ROR1: variants seen among roughly 807,000 people sequenced by gnomAD.
ROR1 encodes the protein ROR family WNT receptor 1.
A neutral mutation model predicts 78.8 loss-of-function variants in ROR1; 19 were observed. The observed-to-expected ratio is 0.24, with a 90% CI of 0.17 to 0.35. The LOEUF is 0.35. Among genes scored for constraint, ROR1 ranks in the 10% least tolerant of loss-of-function variants. ROR1 has a pLI of 1.00. For missense variants in ROR1, 917 were observed against 1,177.8 expected, an observed-to-expected ratio of 0.78 and a Z score of 3.24; for synonymous variants, 386 against 433.6, an observed-to-expected ratio of 0.89 and a Z score of 1.36.
chr1:63,897,716 A>G (rs960334252), intron 1 of ROR1, among the ~76,000 whole-genome samples: 5 of 152,342 alleles, frequency 3.3e-5, no homozygotes, highest in African/African-American at 7.2e-5. Context: ...TCTGCTACAT[A>G]GAAGTGCTTA....
chr1:63,934,342 G>T (rs1301685053), intron 1 of ROR1, among the ~76,000 whole-genome samples: 1 of 152,104 alleles, frequency 6.6e-6, no homozygotes, highest in East Asian at 1.9e-4. Flanking sequence ...ACTCATTAAG[G>T]CTCAGTTTGC....
At chr1:64,168,464 A>G (rs1185847522) in intron 8 of ROR1, among the ~76,000 whole-genome samples, 2 of 152,214 alleles carry the variant, frequency 1.3e-5, no homozygotes, top group Non-Finnish European at 2.9e-5. Context: ...GATATCTAGG[A>G]TAGGAGCCAT....
rs201856861 is a variant in ROR1 at position 63,903,493 on chromosome 1, ACATT to A, written c.92-105808_92-105805del. 5.7e-3 allele frequency among the ~76,000 whole-genome samples: 873 copies of A among 151,876 alleles called. 7 individuals carry two copies. The highest frequency in any genetic ancestry group is 0.015 in the Admixed American group (227 of 15,240). On this transcript the variant is annotated intron_variant, in intron 1 of 8. Coordinates refer to ENST00000371079, the MANE Select transcript of ROR1 (RefSeq NM_005012.4). The stretch of plus-strand genomic sequence containing the variant: ...ATGTGTTTGTCTGTTTATGTGTGAA[ACATT>A]CATATGTTTTGGAAGTCAGAATGAT...
intron 1 of ROR1, among the ~76,000 whole-genome samples, chr1:63,828,218 T>G (rs1569780352): frequency 6.6e-6 from 1 of 152,136 alleles, no homozygotes; most frequent in African/African-American, 2.4e-5. Flanking sequence ...TTAGTAGCGG[T>G]TTTTCTAAAG....
chr1:64,125,285 G>A (rs1648673258), intron 4 of ROR1, among the ~76,000 whole-genome samples: 2 of 152,162 alleles, frequency 1.3e-5, no homozygotes. Context: ...TTCACTCAAA[G>A]CCTGCCAGGA....
At chr1:63,814,365 G>A (rs1644877195) in intron 1 of ROR1, among the ~76,000 whole-genome samples, 1 of 152,090 alleles carries the variant, frequency 6.6e-6, no homozygotes, top group African/African-American at 2.4e-5. Flanking sequence ...GCTGCCTAAG[G>A]CAGTGGTCCC....
chr1:64,022,679 T>A (rs879586284), intron 2 of ROR1, among the ~76,000 whole-genome samples: 3 of 152,206 alleles, frequency 2.0e-5, no homozygotes, highest in Non-Finnish European at 4.4e-5. Context: ...CTACACGAAG[T>A]CATTCCCAGA....
chr1:63,995,422 C>T (rs1227108726), intron 1 of ROR1, among the ~76,000 whole-genome samples: 4 of 152,114 alleles, frequency 2.6e-5, no homozygotes, highest in Non-Finnish European at 5.9e-5. Flanking sequence ...AACACAAGAC[C>T]CTGTCAGACT....
At chr1:63,993,700 GT>G (rs1340075826) in intron 1 of ROR1, among the ~76,000 whole-genome samples, 2 of 152,076 alleles carry the variant, frequency 1.3e-5, no homozygotes, top group East Asian at 3.9e-4. Context: ...CAGTTTCCTT[GT>G]TTTTTTATAA....
At chr1:63,845,869 T>C (rs1645077235) in intron 1 of ROR1, among the ~76,000 whole-genome samples, 1 of 152,182 alleles carries the variant, frequency 6.6e-6, no homozygotes, top group African/African-American at 2.4e-5. Context: ...TTATTTGGTG[T>C]AGAGATTTAG....
At chr1:63,780,688 G>C (rs533857420) in intron 1 of ROR1, among the ~76,000 whole-genome samples, 56 of 152,222 alleles carry the variant, frequency 3.7e-4, no homozygotes, top group Non-Finnish European at 7.1e-4. Flanking sequence ...AGATGCTCTA[G>C]ATCTGAGCAG....
chr1:64,048,488 C>T (rs759073753), intron 2 of ROR1, among the ~76,000 whole-genome samples: 13 of 152,006 alleles, frequency 8.6e-5, no homozygotes, highest in Non-Finnish European at 1.3e-4. Context: ...CTTGGACCTA[C>T]GGAAGGACAT....
At chr1:64,098,022 C>T (rs113716014) in intron 4 of ROR1, among the ~76,000 whole-genome samples, 3 of 141,250 alleles carry the variant, frequency 2.1e-5, no homozygotes, top group African/African-American at 7.4e-5. Context: ...CTGCCTCACA[C>T]TCCCCTATAT....
intron 1 of ROR1, among the ~76,000 whole-genome samples, chr1:63,880,292 C>T (rs1645314249): frequency 6.6e-6 from 1 of 152,132 alleles, no homozygotes; most frequent in South Asian, 2.1e-4. Context: ...AAGATTGGAG[C>T]CCTTTACTCA....
chr1:64,038,123 G>A (rs770023452), intron 2 of ROR1, among the ~76,000 whole-genome samples: 1 of 152,108 alleles, frequency 6.6e-6, no homozygotes, highest in Non-Finnish European at 1.5e-5. Flanking sequence ...CCCCCTCCAT[G>A]TCCGCACAAG....
At chr1:63,796,749 G>A (rs1303502727) in intron 1 of ROR1, among the ~76,000 whole-genome samples, 1 of 152,112 alleles carries the variant, frequency 6.6e-6, no homozygotes, top group African/African-American at 2.4e-5. Context: ...TGACAGTGTG[G>A]TAAGGGCAGC....
At chr1:64,130,111 C>T (rs894423519) in intron 4 of ROR1, among the ~76,000 whole-genome samples, 1 of 152,144 alleles carries the variant, frequency 6.6e-6, no homozygotes, top group African/African-American at 2.4e-5. Flanking sequence ...TTGTCACTGA[C>T]CAGATGTGGG....
intron 1 of ROR1, among the ~76,000 whole-genome samples, chr1:63,933,277 G>A (rs780707199): frequency 4.6e-5 from 7 of 152,076 alleles, no homozygotes; most frequent in South Asian, 2.1e-4. Context: ...TTCACAGTGC[G>A]TTTCATTTCC....
rs565775399 is a variant in ROR1, at chr1:64,121,796, A to G, written c.483-15573A>G. ...TAGTGGCTACTCATAGCAAGCACTC[A>G]GTATCTGCAGAATGAACCAATAGAT... On this transcript the variant is annotated intron_variant, in intron 4 of 8. Transcript: ENST00000371079. Among the ~76,000 whole-genome samples the G allele has an allele frequency of 2.2e-4, 34 of 152,330 alleles. 1 individual carries two copies. The South Asian group carries it at 6.4e-3, about 29-fold the overall frequency.
Sources: allele counts gnomAD v4.1 joint callset (sites outside exome capture counted in the v4.1 genomes callset), GRCh38; gene constraint gnomAD v4.1.1; transcripts MANE v1.5; gene names NCBI Gene and HGNC (gene_info 2026-07-23, HGNC 2026-07-21).